The following LPGAT1 variants were observed in gnomAD, a reference collection of about 807,000 sequenced individuals.
LPGAT1 encodes lysophosphatidylglycerol acyltransferase 1.
Under a neutral mutation model 47.5 loss-of-function variants are expected in LPGAT1, and 11 were observed. The ratio of observed to expected loss-of-function variants is 0.23; its 90% CI spans 0.15 to 0.38. The LOEUF (loss-of-function observed/expected upper bound fraction) is 0.38, where lower values mean the gene tolerates loss of function less well. Among genes scored for constraint, LPGAT1 ranks in the 10% least tolerant of loss-of-function variants. The pLI is 1.00. For missense variants in LPGAT1, 293 were observed against 439.0 expected, an observed-to-expected ratio of 0.67 and a Z score of 2.97; for synonymous variants, 138 against 144.2, an observed-to-expected ratio of 0.96 and a Z score of 0.31.
At position 211,749,666 on chromosome 1, in the gene LPGAT1, A is replaced by C. The variant is rs1010336719; in HGVS notation, c.*233T>G. ...AATGTGATGTTTGCTTAAATATGTG[A>C]TAGAGTGTATCTTTTTAAAACATGT... On this transcript the variant is annotated 3_prime_UTR_variant, in exon 8 of 8. Transcript: ENST00000366997. 4.4e-6 allele frequency: 2 copies of C among 450,572 alleles called. No homozygotes were observed. The highest frequency in any genetic ancestry group is 2.8e-5 in the South Asian group (1 of 36,082). The allele number at this position is 450,572 out of a possible 1,614,324, so 27.9% of individuals were successfully genotyped here.
intron 3 of LPGAT1, among the ~76,000 whole-genome samples, chr1:211,788,607 G>A (rs149825630): frequency 7.9e-5 from 12 of 151,914 alleles, no homozygotes; most frequent in East Asian, 3.9e-4. Context: ...GCTTGAACCC[G>A]GGAGGCACAG....
At chr1:211,818,285 T>A (rs1660250203) in intron 2 of LPGAT1, among the ~76,000 whole-genome samples, 1 of 152,160 alleles carries the variant, frequency 6.6e-6, no homozygotes, top group South Asian at 2.1e-4. Flanking sequence ...CAAGCAAGTA[T>A]CCTTAATAAG....
rs1558266663 is a variant in LPGAT1 at position 211,783,425 on chromosome 1, T to C, written c.531A>G (p.Lys177=). The change falls in exon 5 of 8, where the codon AAA becomes AAG. Residue 177 remains lysine, a synonymous_variant. Transcript: ENST00000366997. ...CCCCTTCTGGAAACAAAACAATCCA[T>C]TTTCGATCTCTGCTCCTGTAATTAT... ...LENNYRSRDR[K]WIVLFPEGGF... is the part of the protein sequence containing the mutation. 1.2e-6 allele frequency: 2 copies of C among 1,614,038 alleles called. No individual in the cohort carries two copies. The highest frequency in any genetic ancestry group is 2.2e-5 in the East Asian group (1 of 44,896).
At chr1:211,816,979 T>C (rs1340537156) in intron 2 of LPGAT1, among the ~76,000 whole-genome samples, 1 of 152,234 alleles carries the variant, frequency 6.6e-6, no homozygotes, top group Non-Finnish European at 1.5e-5. Flanking sequence ...TTAGAATGAT[T>C]ATTTACACTT....
chr1:211,795,050 G>A (rs1571739461), intron 2 of LPGAT1, among the ~76,000 whole-genome samples: 2 of 152,126 alleles, frequency 1.3e-5, no homozygotes, highest in Admixed American at 1.3e-4. Flanking sequence ...GGGGGAGGGG[G>A]AAATTGTTGT....
chr1:211,769,345 T>C (rs1030055222), intron 6 of LPGAT1, among the ~76,000 whole-genome samples: 1 of 152,120 alleles, frequency 6.6e-6, no homozygotes, highest in Non-Finnish European at 1.5e-5. Flanking sequence ...GCTTCTGATC[T>C]AAGTGACAGG....
chr1:211,813,868 T>C (rs1235660107), intron 2 of LPGAT1, among the ~76,000 whole-genome samples: 2 of 152,154 alleles, frequency 1.3e-5, no homozygotes, highest in East Asian at 3.9e-4. Context: ...CCCCTGCCCT[T>C]AAGCAATTTA....
chr1:211,821,320 C>T (rs1220699473), intron 2 of LPGAT1, among the ~76,000 whole-genome samples: 1 of 152,148 alleles, frequency 6.6e-6, no homozygotes, highest in African/African-American at 2.4e-5. Flanking sequence ...GAATAATATC[C>T]TCATCTTGTT....
rs1296440952 is a variant in LPGAT1, at chr1:211,829,115, A to G, written c.182T>C (p.Met61Thr). 1.2e-6 allele frequency: 2 copies of G among 1,614,056 alleles called. No homozygotes were observed. Among genetic ancestry groups the G allele is most frequent in the Non-Finnish European group, 1.7e-6 (2 of 1,180,030 alleles). The change falls in exon 2 of 8, where the codon ATG becomes ACG. Residue 61 changes from methionine to threonine, a missense_variant. Transcript: ENST00000366997. ...SKRFWYIEGI[M>T]YKWLLGMVAS... is the part of the protein sequence containing the mutation. Reference sequence around the variant, plus strand: ...TACCATTCCTAAAAGCCATTTATACATGATTCCTTCGATATACCAGAACCG... The same window carrying G: ...TACCATTCCTAAAAGCCATTTATACGTGATTCCTTCGATATACCAGAACCG...
At chr1:211,769,653 G>A (rs1238153064) in intron 6 of LPGAT1, among the ~76,000 whole-genome samples, 1 of 152,134 alleles carries the variant, frequency 6.6e-6, no homozygotes, top group Non-Finnish European at 1.5e-5. Flanking sequence ...GGTAAACAAG[G>A]GGTGGATTAT....
intron 6 of LPGAT1, among the ~76,000 whole-genome samples, chr1:211,753,286 T>C (rs1215594602): frequency 6.6e-6 from 1 of 152,224 alleles, no homozygotes; most frequent in African/African-American, 2.4e-5. Context: ...ATCTTGGAGG[T>C]CTGCCAATGT....
chr1:211,829,903 A>C, intron 1 of LPGAT1: 1 of 984,388 alleles, frequency 1.0e-6, no homozygotes, highest in Non-Finnish European at 1.2e-6. Context: ...GGGGGCCTAG[A>C]AAAAAAGCTT....
intron 6 of LPGAT1, among the ~76,000 whole-genome samples, chr1:211,764,190 CCTT>C (rs1410649774): frequency 2.7e-5 from 4 of 147,566 alleles, no homozygotes; most frequent in Non-Finnish European, 6.1e-5. Context: ...AAAAAAAAAT[CCTT>C]CTCAGTGCCA....
At chr1:211,799,875 C>T (rs554596885) in intron 2 of LPGAT1, among the ~76,000 whole-genome samples, 20 of 152,262 alleles carry the variant, frequency 1.3e-4, no homozygotes, top group Admixed American at 9.8e-4. Context: ...TAGCAAAGAA[C>T]ACTGCTGTTC....
Position 211,747,385 on chromosome 1 carries a change from A to C in LPGAT1, c.*2514T>G, listed in dbSNP as rs1258310118. 1 of 152,228 alleles carries C rather than the reference A, an allele frequency of 6.6e-6. No individual in the cohort carries two copies. The allele number at this position is 152,228 out of a possible 1,614,324, so 9.4% of individuals were successfully genotyped here. ...TTTAAAAAAATTAACTCACATATCT[A>C]TTGGCATTTGTCACCCTGGAGACTG... On this transcript the variant is annotated 3_prime_UTR_variant, in exon 8 of 8. Coordinates refer to ENST00000366997, the MANE Select transcript of LPGAT1 (RefSeq NM_014873.3).
chr1:211,769,608 G>A (rs12139336), intron 6 of LPGAT1, among the ~76,000 whole-genome samples: 12,569 of 152,220 alleles, frequency 0.083, 651 homozygotes, highest in Admixed American at 0.15. Flanking sequence ...GATGGCTGCT[G>A]GCTGCCCATT....
At chr1:211,769,890 G>A (rs1191902175) in intron 6 of LPGAT1, among the ~76,000 whole-genome samples, 2 of 152,058 alleles carry the variant, frequency 1.3e-5, no homozygotes, top group Non-Finnish European at 2.9e-5. Context: ...CTATGACTTA[G>A]AATGCCTTAA....
At chr1:211,792,592 C>T (rs1186534734) in intron 3 of LPGAT1, among the ~76,000 whole-genome samples, 2 of 148,952 alleles carry the variant, frequency 1.3e-5, no homozygotes, top group Non-Finnish European at 3.0e-5. Context: ...ATTCCCACTT[C>T]TGGGTGACTT....
intron 2 of LPGAT1, among the ~76,000 whole-genome samples, chr1:211,822,561 G>A (rs1335362135): frequency 6.6e-6 from 1 of 152,104 alleles, no homozygotes; most frequent in Non-Finnish European, 1.5e-5. Context: ...TGGATCACTT[G>A]AGGTCAGGAG....
Sources: gnomAD v4.1 joint callset for allele counts (sites outside exome capture counted in the v4.1 genomes callset) on GRCh38, gnomAD v4.1.1 for gene constraint, MANE v1.5 for transcripts, NCBI Gene and HGNC (gene_info 2026-07-23, HGNC 2026-07-21) for gene names.